ESR1: variants seen among roughly 807,000 people sequenced by gnomAD.
ESR1 encodes estrogen receptor.
A neutral mutation model predicts 52.7 loss-of-function variants in ESR1; 12 were observed. That is an observed-to-expected ratio of 0.23 (90% CI 0.15 to 0.37). ESR1 has a LOEUF of 0.37. Ranked by LOEUF, ESR1 falls within the 10% of genes least tolerant of loss-of-function variation. ESR1 has a pLI of 1.00. For synonymous variants in ESR1, 305 were observed against 316.8 expected, an observed-to-expected ratio of 0.96 and a Z score of 0.39; for missense variants, 584 against 779.7, an observed-to-expected ratio of 0.75 and a Z score of 2.99.
At chr6:151,715,501 T>C (rs978827606) in intron 2 of ESR1, among the ~76,000 whole-genome samples, 1 of 152,224 alleles carries the variant, frequency 6.6e-6, no homozygotes, top group Non-Finnish European at 1.5e-5. Flanking sequence ...TCTTTTCACA[T>C]AGTCCCATAT....
At chr6:151,749,958 A>G (rs1050717101) in intron 2 of ESR1, among the ~76,000 whole-genome samples, 2 of 152,254 alleles carry the variant, frequency 1.3e-5, no homozygotes, top group East Asian at 1.9e-4. Flanking sequence ...AATAAATGCT[A>G]TGAAATACAA....
At chr6:152,042,191 C>T (rs559734332) in intron 5 of ESR1, among the ~76,000 whole-genome samples, 2 of 152,236 alleles carry the variant, frequency 1.3e-5, no homozygotes, top group East Asian at 3.9e-4. Flanking sequence ...CCATAATAGC[C>T]CTCACCCTAC....
chr6:152,119,579 CTCTT>C (rs932229627), intron 6 of ESR1, among the ~76,000 whole-genome samples: 1 of 152,212 alleles, frequency 6.6e-6, no homozygotes, highest in African/African-American at 2.4e-5. Flanking sequence ...AGTGGATGGT[CTCTT>C]TATGCCCTTC....
At chr6:152,017,725 T>C (rs1471164985) in intron 5 of ESR1, among the ~76,000 whole-genome samples, 1 of 152,044 alleles carries the variant, frequency 6.6e-6, no homozygotes, top group Non-Finnish European at 1.5e-5. Context: ...ATCCTACTCA[T>C]TCCTTGTGGG....
At chr6:151,708,873 T>C (rs851976) in intron 2 of ESR1, among the ~76,000 whole-genome samples, 47,961 of 151,994 alleles carry the variant, frequency 0.32, 8,150 homozygotes, top group African/African-American at 0.43. Flanking sequence ...ACATATATCT[T>C]GATATATCAA....
chr6:151,682,215 C>G (rs928970130), intron 1 of ESR1, among the ~76,000 whole-genome samples: 1 of 152,188 alleles, frequency 6.6e-6, no homozygotes, highest in Non-Finnish European at 1.5e-5. Flanking sequence ...TGTTTTCACT[C>G]TATTTCCTTT....
intron 6 of ESR1, among the ~76,000 whole-genome samples, chr6:152,063,636 G>A (rs3798569): frequency 0.22 from 33,851 of 151,942 alleles, 5,533 homozygotes; most frequent in African/African-American, 0.45. Flanking sequence ...CTCCACAACT[G>A]GAGATATGGA....
At chr6:151,696,831 G>A (rs1179407931) in intron 1 of ESR1, among the ~76,000 whole-genome samples, 1 of 152,154 alleles carries the variant, frequency 6.6e-6, no homozygotes, top group Non-Finnish European at 1.5e-5. Context: ...AACAGAAGAA[G>A]GTATTTCTGG....
At chr6:151,864,392 C>T (rs1023982650) in intron 2 of ESR1, among the ~76,000 whole-genome samples, 2 of 152,076 alleles carry the variant, frequency 1.3e-5, no homozygotes, top group African/African-American at 4.8e-5. Context: ...AATGAGATAC[C>T]ATCTCACACC....
chr6:151,919,261 G>A (rs2031081744), intron 3 of ESR1, among the ~76,000 whole-genome samples: 1 of 152,150 alleles, frequency 6.6e-6, no homozygotes, highest in African/African-American at 2.4e-5. Context: ...TTTAATTGGA[G>A]AAGTTTTTAA....
downstream of ESR1, among the ~76,000 whole-genome samples, chr6:152,103,939 C>T (rs576612257): frequency 1.3e-5 from 2 of 149,644 alleles, no homozygotes; most frequent in South Asian, 2.1e-4. Context: ...AATATTCACA[C>T]AGGCTCTGCA....
chr6:151,676,259 G>C (rs1281783535), intron 1 of ESR1, among the ~76,000 whole-genome samples: 8 of 152,144 alleles, frequency 5.3e-5, no homozygotes, highest in Non-Finnish European at 8.8e-5. Context: ...GTCCATACTT[G>C]GTTCTGTTTG....
intron 1 of ESR1, among the ~76,000 whole-genome samples, chr6:151,666,915 C>A (rs1441067104): frequency 1.3e-5 from 2 of 151,748 alleles, no homozygotes; most frequent in Non-Finnish European, 2.9e-5. Context: ...ATAAGGCAAG[C>A]AGAGTGGGAA....
chr6:151,834,292 C>T (rs1016691907), intron 1 of ESR1, among the ~76,000 whole-genome samples: 2 of 152,168 alleles, frequency 1.3e-5, no homozygotes, highest in Non-Finnish European at 2.9e-5. Flanking sequence ...AGACTTGGAA[C>T]CAACCCAAAT....
upstream of ESR1, among the ~76,000 whole-genome samples, chr6:151,803,573 A>C (rs898484746): frequency 1.1e-4 from 17 of 152,158 alleles, no homozygotes; most frequent in African/African-American, 4.1e-4. Flanking sequence ...GAGCTGGGTC[A>C]TGTCAAGATG....
In ESR1 at chr6:152,045,717, ATTG is replaced by A. The variant is rs142001105; in HGVS notation, c.1236-15271_1236-15269del. Among the ~76,000 whole-genome samples, 297 of 152,280 alleles carry A rather than the reference ATTG, an allele frequency of 2.0e-3. 2 individuals carry two copies. The East Asian group carries it at 0.028, about 14-fold the overall frequency. ...TAGCTTTCATTGGTACTATATTACT[ATTG>A]TTAGTGTTGGTGGTGGAGCTGAATC... On this transcript the variant is annotated intron_variant, in intron 5 of 7. Coordinates refer to ENST00000206249, the MANE Select transcript of ESR1 (RefSeq NM_000125.4).
chr6:152,097,216 G>A (rs1352853235), intron 7 of ESR1, among the ~76,000 whole-genome samples: 1 of 151,212 alleles, frequency 6.6e-6, no homozygotes, highest in Non-Finnish European at 1.5e-5. Context: ...TAATATTTTG[G>A]TTCCTCACTA....
intron 4 of ESR1, among the ~76,000 whole-genome samples, chr6:151,953,876 G>A (rs1383487067): frequency 6.6e-6 from 1 of 152,026 alleles, no homozygotes; most frequent in Non-Finnish European, 1.5e-5. Flanking sequence ...CCACTTTTAT[G>A]TTATTGCCTT....
chr6:151,761,378 G>C (rs1403423032), intron 2 of ESR1, among the ~76,000 whole-genome samples: 1 of 151,986 alleles, frequency 6.6e-6, no homozygotes, highest in Non-Finnish European at 1.5e-5. Context: ...ACTACCCTAG[G>C]CTCTGTCATT....
Sources: allele counts gnomAD v4.1 joint callset (sites outside exome capture counted in the v4.1 genomes callset), GRCh38; gene constraint gnomAD v4.1.1; transcripts MANE v1.5; gene names NCBI Gene and HGNC (gene_info 2026-07-23, HGNC 2026-07-21).